Variants in BTAF1 observed in about 807,000 individuals in gnomAD.
BTAF1 encodes B-TFIID TATA-box binding protein associated factor 1, also known as TATA-binding protein-associated factor 172.
BTAF1 carries 38 observed loss-of-function variants against 227.1 expected under a neutral mutation model. That is an observed-to-expected ratio of 0.17 (90% CI 0.13 to 0.22). The LOEUF is 0.22. Among genes scored for constraint, BTAF1 ranks in the 10% least tolerant of loss-of-function variants. BTAF1 has a pLI of 1.00. For synonymous variants in BTAF1, 742 were observed against 751.9 expected, an observed-to-expected ratio of 0.99 and a Z score of 0.21; for missense variants, 1,598 against 2,204.0, an observed-to-expected ratio of 0.73 and a Z score of 5.51.
At chr10:91,950,167 A>G (rs1845668967) in intron 4 of BTAF1, among the ~76,000 whole-genome samples, 9 of 144,190 alleles carry the variant, frequency 6.2e-5, no homozygotes, top group Middle Eastern at 3.5e-3. Context: ...GCGGGAAAGA[A>G]GACTAGGTTT....
In BTAF1 at chr10:91,956,685, A is replaced by C. The variant is rs980810945; in HGVS notation, c.831+28A>C. 3.8e-6 allele frequency: 6 copies of C among 1,598,972 alleles called. No homozygotes were observed. The African/African-American group carries it at 6.7e-5, about 18-fold the overall frequency. On this transcript the variant is annotated intron_variant, in intron 7 of 37. Coordinates refer to ENST00000265990, the MANE Select transcript of BTAF1 (RefSeq NM_003972.3). The stretch of plus-strand genomic sequence containing the variant: ...ACTCTTGAAAGACTCTAAAGTATCC[A>C]TTAAAATTGCTTATAATCTTTGGGC...
At position 91,981,717 on chromosome 10, in the gene BTAF1, G is replaced by T; in HGVS notation, c.1830G>T (p.Trp610Cys). Residue 610 changes from tryptophan to cysteine, a missense_variant, in exon 16 of 38, where the codon TGG becomes TGT. Transcript: ENST00000265990. Reference protein sequence around the residue: ...VAAACPWMGAWLCLMMQPSHL... With the variant: ...VAAACPWMGACLCLMMQPSHL... ...CTGCTTGCCCATGGATGGGTGCTTG[G>T]CTTTGCTTGATGATGCAGCCTTCTC... The T allele has an allele frequency of 6.2e-7, 1 of 1,613,854 alleles. No individual in the cohort carries two copies.
chr10:91,949,676 C>G (rs141170634), intron 4 of BTAF1, among the ~76,000 whole-genome samples: 1 of 152,284 alleles, frequency 6.6e-6, no homozygotes, highest in African/African-American at 2.4e-5. Context: ...GGAGTCTGCT[C>G]TGGGCATGCA....
At chr10:91,943,898 C>T (rs1254046511) in intron 4 of BTAF1, among the ~76,000 whole-genome samples, 1 of 152,150 alleles carries the variant, frequency 6.6e-6, no homozygotes, top group African/African-American at 2.4e-5. Flanking sequence ...CACCTGTAAT[C>T]CCAGCACTTT....
intron 4 of BTAF1, 34 bp from the exon 5 acceptor site, chr10:91,951,369 A>G (rs779934043): frequency 1.2e-4 from 185 of 1,593,138 alleles, no homozygotes; most frequent in Non-Finnish European, 1.5e-4. Flanking sequence ...TTCTTAACTG[A>G]TTTGGAGAAA....
intron 14 of BTAF1, among the ~76,000 whole-genome samples, chr10:91,976,244 G>A (rs1381963370): frequency 4.6e-5 from 7 of 152,190 alleles, no homozygotes; most frequent in East Asian, 3.8e-4. Flanking sequence ...GATGAGGTAC[G>A]TGGAGCTTCC....
intron 20 of BTAF1, among the ~76,000 whole-genome samples, chr10:91,990,187 TG>T (rs1314882597): frequency 1.5e-5 from 2 of 133,460 alleles, no homozygotes; most frequent in African/African-American, 2.5e-5. Flanking sequence ...TATGTGTGAT[TG>T]TTAACAAGAT....
chr10:92,024,817 T>C lies in BTAF1; in HGVS notation c.4925T>C (p.Val1642Ala). Residue 1642 changes from valine to alanine, a missense_variant, in exon 35 of 38, where the codon GTG becomes GCG. This residue lies in a region of BTAF1 where 205 missense variants were observed against 244.5 expected (regional missense o/e 0.84). Transcript: ENST00000265990. ...TCCGAGAGTGGCACAGAGTCTGTTG[T>C]GGCCCAGCACAGGATACTGATATTC... ...STSESGTESV[V>A]AQHRILIFCQ... The C allele has an allele frequency of 6.2e-7, 1 of 1,613,578 alleles. No individual in the cohort carries two copies. The highest frequency in any genetic ancestry group is 8.5e-7 in the Non-Finnish European group (1 of 1,179,930).
chr10:91,996,609 T>A (rs1388593330), intron 24 of BTAF1, 39 bp downstream of exon 24: 1 of 1,582,396 alleles, frequency 6.3e-7, no homozygotes, highest in Non-Finnish European at 8.7e-7. Flanking sequence ...AGGAATTATA[T>A]TCATTTCACT....
At chr10:92,003,252 GA>G (rs1267512751) in intron 25 of BTAF1, among the ~76,000 whole-genome samples, 1 of 151,504 alleles carries the variant, frequency 6.6e-6, no homozygotes, top group Non-Finnish European at 1.5e-5. Context: ...TTTTTTTGGT[GA>G]AAACCCATTT....
rs891191350 is a variant in BTAF1 at position 92,030,488 on chromosome 10, G to T, written c.*1555G>T. Among the ~76,000 whole-genome samples the T allele has an allele frequency of 6.6e-6, 1 of 151,812 alleles. No homozygotes were observed. The highest frequency in any genetic ancestry group is 2.4e-5 in the African/African-American group (1 of 41,346). ...ATATTTTTTTATTAACTATTTATTT[G>T]CTAGTTCCATAAACCAGCTCTTTAA... is the stretch of plus-strand genomic sequence containing the variant. On this transcript the variant is annotated 3_prime_UTR_variant, in exon 38 of 38. Transcript: ENST00000265990.
chr10:91,973,398 T>A (rs956636353), intron 14 of BTAF1, among the ~76,000 whole-genome samples: 10 of 152,218 alleles, frequency 6.6e-5, no homozygotes, highest in Admixed American at 5.9e-4. Flanking sequence ...TATACAAGTA[T>A]AAATAATAGT....
chr10:91,978,611 A>T (rs1408934724), intron 14 of BTAF1, among the ~76,000 whole-genome samples: 1 of 152,066 alleles, frequency 6.6e-6, no homozygotes, highest in Non-Finnish European at 1.5e-5. Flanking sequence ...TTCAGTTAAA[A>T]TTTCCAAATT....
chr10:91,943,768 A>G (rs927680333), intron 4 of BTAF1, among the ~76,000 whole-genome samples: 2 of 152,192 alleles, frequency 1.3e-5, no homozygotes, highest in Non-Finnish European at 2.9e-5. Context: ...GTATTCATGG[A>G]CATTATCAGA....
At chr10:91,961,151 AGT>A (rs1242101676) in intron 11 of BTAF1, among the ~76,000 whole-genome samples, 1 of 152,188 alleles carries the variant, frequency 6.6e-6, no homozygotes, top group Non-Finnish European at 1.5e-5. Context: ...GTCAGCAAAG[AGT>A]GAGTATTGAC....
At chr10:91,963,846 G>C (rs1276272482) in intron 12 of BTAF1, among the ~76,000 whole-genome samples, 1 of 152,060 alleles carries the variant, frequency 6.6e-6, no homozygotes, top group Non-Finnish European at 1.5e-5. Flanking sequence ...TATGAGTCTG[G>C]TCAGGCAGGG....
chr10:91,994,081 A>T (rs1848983712), intron 22 of BTAF1, among the ~76,000 whole-genome samples: 1 of 152,176 alleles, frequency 6.6e-6, no homozygotes, highest in Non-Finnish European at 1.5e-5. Context: ...TGGGAGGCCC[A>T]GGTGGGCAGA....
chr10:91,989,104 A>T (rs937794316), intron 19 of BTAF1, 50 bp from the exon 20 acceptor site: 1 of 1,471,420 alleles, frequency 6.8e-7, no homozygotes, highest in Non-Finnish European at 9.1e-7. Context: ...CTTACAGTCT[A>T]TTTGGGGTTG....
rs1200206830 is a variant in BTAF1 at position 92,008,859 on chromosome 10, A to T, written c.3844A>T (p.Lys1282Ter). 6.2e-7 allele frequency: 1 copy of T among 1,612,296 alleles called. No homozygotes were observed. Among genetic ancestry groups the T allele is most frequent in the Non-Finnish European group, 8.5e-7 (1 of 1,178,686 alleles). The change falls in exon 27 of 38, where the codon AAG (lysine) becomes TAG (stop). Residue 1282 changes from lysine to a stop codon, truncating the protein, a stop_gained. Coordinates refer to ENST00000265990, the MANE Select transcript of BTAF1 (RefSeq NM_003972.3). LOFTEE classifies it high-confidence loss of function. The part of the protein sequence containing the change: ...DGVNWLAFLN[K>*]YKLHGILCDD... ...TGTGAACTGGTTAGCATTTCTTAAT[A>T]AGTATAAACTTCATGGAATTCTGTG...
Sources: gnomAD v4.1 joint callset for allele counts (sites outside exome capture counted in the v4.1 genomes callset) on GRCh38, gnomAD v4.1.1 for gene constraint, gnomAD v4.1.1 regional missense constraint, MANE v1.5 for transcripts, NCBI Gene and HGNC (gene_info 2026-07-23, HGNC 2026-07-21) for gene names.